CNTN3: variants seen among roughly 807,000 people sequenced by gnomAD.
The protein encoded by CNTN3 is contactin 3, also known as contactin-3.
In CNTN3, 60 loss-of-function variants were observed where a neutral mutation model predicts 119.1. That is an observed-to-expected ratio of 0.50 (90% CI 0.41 to 0.62). The LOEUF (loss-of-function observed/expected upper bound fraction) is 0.62, where lower values mean the gene tolerates loss of function less well. Ranked by LOEUF, CNTN3 falls within the 20% of genes least tolerant of loss-of-function variation. The pLI, the probability that CNTN3 is intolerant of heterozygous loss-of-function variation, is 0.00. For missense variants in CNTN3, 1,101 were observed against 1,242.4 expected (o/e 0.89, Z 1.71); for synonymous variants, 450 against 438.7 (o/e 1.03, Z -0.32).
intron 1 of CNTN3, among the ~76,000 whole-genome samples, chr3:74,594,072 GT>G (rs1048930940): frequency 5.9e-5 from 9 of 151,794 alleles, no homozygotes; most frequent in African/African-American, 2.2e-4. Context: ...TACATACCCA[GT>G]AAGAGATGGG....
chr3:74,467,191 A>T (rs1016463926), intron 4 of CNTN3, among the ~76,000 whole-genome samples: 6 of 152,180 alleles, frequency 3.9e-5, no homozygotes, highest in African/African-American at 1.2e-4. Context: ...CAGACAAGTC[A>T]CAAAAGAAAA....
intron 1 of CNTN3, among the ~76,000 whole-genome samples, chr3:74,524,537 G>A (rs769119029): frequency 7.2e-5 from 11 of 151,786 alleles, no homozygotes; most frequent in Non-Finnish European, 1.6e-4. Flanking sequence ...AAGAAGAGAT[G>A]AAATAATGAG....
At chr3:74,610,811 A>G (rs1705068184) in intron 1 of CNTN3, among the ~76,000 whole-genome samples, 2 of 152,100 alleles carry the variant, frequency 1.3e-5, no homozygotes, top group African/African-American at 4.8e-5. Context: ...AATGTGAGAG[A>G]TATTTCAGGG....
chr3:74,371,452 C>T, intron 5 of CNTN3, 53 bp from the exon 6 acceptor site: 1 of 1,335,172 alleles, frequency 7.5e-7, no homozygotes, highest in Non-Finnish European at 1.1e-6. Context: ...GACAGTTTTC[C>T]ATTGTGTCCT....
At chr3:74,320,729 C>T (rs1303317083) in intron 13 of CNTN3, among the ~76,000 whole-genome samples, 1 of 152,094 alleles carries the variant, frequency 6.6e-6, no homozygotes, top group African/African-American at 2.4e-5. Context: ...CGTCCCTGAG[C>T]CTCATGGTTA....
intron 1 of CNTN3, among the ~76,000 whole-genome samples, chr3:74,538,090 G>C (rs1703791070): frequency 6.6e-6 from 1 of 152,044 alleles, no homozygotes; most frequent in South Asian, 2.1e-4. Flanking sequence ...CAGGATGAGA[G>C]TTTGCCCACC....
At chr3:74,337,435 AAAGATATACCC>A (rs1393375535) in intron 11 of CNTN3, among the ~76,000 whole-genome samples, 2 of 152,154 alleles carry the variant, frequency 1.3e-5, no homozygotes, top group African/African-American at 4.8e-5. Flanking sequence ...TGCTGCTGCT[AAAGATATACCC>A]AAGACTGGGT....
rs566400000 is a variant in CNTN3 at position 74,328,715 on chromosome 3, T to A, written c.1668+6020A>T. On this transcript the variant is annotated intron_variant, in intron 13 of 22. Transcript: ENST00000263665. ...TTGAATAAATGATGAGTCAGGCAAA[T>A]AACTACACATCAACAGTTTTGTGTA... is the stretch of plus-strand genomic sequence containing the variant. 2.7e-3 allele frequency among the ~76,000 whole-genome samples: 405 copies of A among 152,286 alleles called. 3 individuals carry two copies. Among genetic ancestry groups the A allele is most frequent in the African/African-American group, 9.5e-3 (393 of 41,582 alleles).
chr3:74,380,179 T>G (rs1056218386), intron 5 of CNTN3, among the ~76,000 whole-genome samples: 2 of 152,232 alleles, frequency 1.3e-5, no homozygotes, highest in African/African-American at 4.8e-5. Context: ...TCAGAGTCCT[T>G]GAAAATGCTA....
chr3:74,307,897 T>G (rs1369845081), intron 13 of CNTN3, among the ~76,000 whole-genome samples: 1 of 152,244 alleles, frequency 6.6e-6, no homozygotes, highest in Non-Finnish European at 1.5e-5. Flanking sequence ...GATGGCTATT[T>G]GGAACCGAGG....
At position 74,499,663 on chromosome 3, in the gene CNTN3, A is replaced by C; in HGVS notation, c.178T>G (p.Tyr60Asp). 1 of 1,608,612 alleles carries C rather than the reference A, an allele frequency of 6.2e-7. No individual in the cohort carries two copies. Among genetic ancestry groups the C allele is most frequent in the Non-Finnish European group, 8.5e-7 (1 of 1,177,502 alleles). ...TTTTCAAACTTTTCACTGTACCTGT[A>C]ATGAGGTGATGGATTGCCTCTTGCT... ...CEARGNPSPHYRWQLNGSDID... is the reference protein window; with the variant it reads ...CEARGNPSPHDRWQLNGSDID... The change falls in exon 3 of 23, where the codon TAC becomes GAC. Residue 60 changes from tyrosine (Y) to aspartate (D), a missense_variant. Transcript: ENST00000263665.
At chr3:74,319,714 T>C in intron 13 of CNTN3, among the ~76,000 whole-genome samples, 1 of 151,114 alleles carries the variant, frequency 6.6e-6, no homozygotes. Context: ...GAAACTACCA[T>C]CAGAGTGAAC....
At chr3:74,544,911 C>T (rs1168948238) in intron 1 of CNTN3, among the ~76,000 whole-genome samples, 3 of 152,066 alleles carry the variant, frequency 2.0e-5, no homozygotes, top group Non-Finnish European at 2.9e-5. Flanking sequence ...GAATCTCTTG[C>T]ACAATAAGAT....
chr3:74,330,392 T>G (rs1342445077), intron 13 of CNTN3, among the ~76,000 whole-genome samples: 1 of 151,744 alleles, frequency 6.6e-6, no homozygotes, highest in Non-Finnish European at 1.5e-5. Context: ...CTAGTGACAC[T>G]GTAGCCATCA....
At chr3:74,362,885 T>C (rs1018469564) in intron 10 of CNTN3, among the ~76,000 whole-genome samples, 1 of 152,200 alleles carries the variant, frequency 6.6e-6, no homozygotes, top group Non-Finnish European at 1.5e-5. Flanking sequence ...ATACATGTGA[T>C]TGTGGTAAAG....
chr3:74,562,556 A>G (rs1219977197), intron 1 of CNTN3, among the ~76,000 whole-genome samples: 8 of 152,144 alleles, frequency 5.3e-5, no homozygotes, highest in African/African-American at 1.9e-4. Flanking sequence ...GGAAAACGAG[A>G]GGCTAATGAT....
chr3:74,489,513 G>T (rs1322104837), intron 3 of CNTN3, among the ~76,000 whole-genome samples: 2 of 147,612 alleles, frequency 1.4e-5, no homozygotes, highest in South Asian at 2.2e-4. Flanking sequence ...CATTTATGAA[G>T]TGTCTATACT....
chr3:74,303,195 GAGA>G (rs1468996406), intron 13 of CNTN3, among the ~76,000 whole-genome samples: 2 of 152,106 alleles, frequency 1.3e-5, no homozygotes, highest in Non-Finnish European at 2.9e-5. Flanking sequence ...TTATCTGCCT[GAGA>G]AGAAGAGGGA....
intron 5 of CNTN3, among the ~76,000 whole-genome samples, chr3:74,376,553 G>A (rs1197037447): frequency 6.6e-6 from 1 of 152,124 alleles, no homozygotes; most frequent in African/African-American, 2.4e-5. Context: ...TCCAGTTGCA[G>A]GAAAACAAGC....
Sources: allele counts gnomAD v4.1 joint callset (sites outside exome capture counted in the v4.1 genomes callset), GRCh38; gene constraint gnomAD v4.1.1; transcripts MANE v1.5; gene names NCBI Gene and HGNC (gene_info 2026-07-23, HGNC 2026-07-21).